PIR: variants seen among roughly 807,000 people sequenced by gnomAD.
The protein encoded by PIR is pirin (iron-binding nuclear protein).
Under a neutral mutation model 24.2 loss-of-function variants are expected in PIR, and 22 were observed. That is an observed-to-expected ratio of 0.91 (90% confidence interval 0.65 to 1.30). The LOEUF (loss-of-function observed/expected upper bound fraction) is 1.30, where lower values mean the gene tolerates loss of function less well. Among genes scored for constraint, PIR ranks in the 50% most tolerant of loss-of-function variants. The probability of loss-of-function intolerance (pLI) is 0.00; values close to 1 mark genes in which losing one functional copy is unlikely to be tolerated. For synonymous variants in PIR, 80 were observed against 79.6 expected (o/e 1.00, Z -0.03); for missense variants, 220 against 220.3 (o/e 1.00, Z 0.01).
chrX:15,458,930 T>G (rs981022589), intron 4 of PIR, among the ~76,000 whole-genome samples: 3 of 112,754 alleles, frequency 2.7e-5, no homozygotes, highest in African/African-American at 9.7e-5. Context: ...TTGCCATGAC[T>G]TTTTTCTTTT....
At chrX:15,443,134 T>C (rs2147048753) in intron 5 of PIR, among the ~76,000 whole-genome samples, 1 of 112,082 alleles carries the variant, frequency 8.9e-6, no homozygotes, top group Admixed American at 9.4e-5. Context: ...TTGAAGCCAG[T>C]GTTCATTTAC....
chrX:15,432,525 G>A (rs190179807), intron 5 of PIR, among the ~76,000 whole-genome samples: 2,157 of 111,716 alleles, frequency 0.019, 109 homozygotes, highest in East Asian at 0.18. Context: ...CATGTGTGAA[G>A]GCCATGAAGC....
At chrX:15,398,403 T>C (rs998160143) in intron 7 of PIR, among the ~76,000 whole-genome samples, 1 of 111,156 alleles carries the variant, frequency 9.0e-6, no homozygotes, top group African/African-American at 3.3e-5. Context: ...ACAGGGGTGA[T>C]GGGGGCTTGT....
At chrX:15,410,872 T>C (rs1569196511) in intron 6 of PIR, among the ~76,000 whole-genome samples, 2 of 112,530 alleles carry the variant, frequency 1.8e-5, no homozygotes, top group Non-Finnish European at 3.7e-5. Context: ...CTTGCTTCTG[T>C]TAATTTGTTT....
chrX:15,468,827 C>A (rs1254517369), intron 3 of PIR, among the ~76,000 whole-genome samples: 1 of 112,573 alleles, frequency 8.9e-6, no homozygotes, highest in Admixed American at 9.4e-5. Flanking sequence ...GTTTACATAA[C>A]AATTGTAAAG....
chrX:15,430,159 T>C (rs1363569391), intron 5 of PIR, among the ~76,000 whole-genome samples: 1 of 111,971 alleles, frequency 8.9e-6, no homozygotes, highest in African/African-American at 3.2e-5. Context: ...AACATTCCCC[T>C]ATAAATCCGT....
chrX:15,458,942 C>T (rs1177936662), intron 4 of PIR, among the ~76,000 whole-genome samples: 1 of 112,425 alleles, frequency 8.9e-6, no homozygotes, highest in Non-Finnish European at 1.9e-5. Context: ...TTTTCTTTTG[C>T]TTTTTTGTCT....
chrX:15,475,893 A>C (rs1417741777), intron 3 of PIR, among the ~76,000 whole-genome samples: 1 of 112,433 alleles, frequency 8.9e-6, no homozygotes, highest in African/African-American at 3.2e-5. Context: ...TCTTCCCTAG[A>C]GTACGCCTTC....
At chrX:15,488,608 A>C (rs1010516269) in intron 2 of PIR, among the ~76,000 whole-genome samples, 1 of 112,226 alleles carries the variant, frequency 8.9e-6, no homozygotes, top group Non-Finnish European at 1.9e-5. Flanking sequence ...TGTTTGTTCT[A>C]TATAATCCCA....
intron 3 of PIR, among the ~76,000 whole-genome samples, chrX:15,479,270 G>A (rs1922369657): frequency 9.1e-6 from 1 of 110,151 alleles, no homozygotes; most frequent in African/African-American, 3.3e-5. Context: ...GTTTTTTGGA[G>A]TTTATAATAT....
At chrX:15,447,093 C>A (rs1926129196) in intron 5 of PIR, among the ~76,000 whole-genome samples, 1 of 112,075 alleles carries the variant, frequency 8.9e-6, no homozygotes, top group Admixed American at 9.4e-5. Flanking sequence ...ATATAATTTA[C>A]ATACTATAAA....
chrX:15,447,569 C>T (rs1016880513), intron 5 of PIR, among the ~76,000 whole-genome samples: 4 of 111,912 alleles, frequency 3.6e-5, no homozygotes, highest in African/African-American at 9.7e-5. Flanking sequence ...CCGGCCGCCT[C>T]GGCCTCCCAA....
chrX:15,394,104 T>A (rs1368461810), intron 8 of PIR, among the ~76,000 whole-genome samples: 1 of 110,589 alleles, frequency 9.0e-6, no homozygotes, highest in Non-Finnish European at 1.9e-5. Context: ...TTTGCATCAA[T>A]AACATTGATT....
chrX:15,393,996 A>T (rs901805746), intron 8 of PIR, among the ~76,000 whole-genome samples: 6 of 110,726 alleles, frequency 5.4e-5, no homozygotes, highest in African/African-American at 2.0e-4. Flanking sequence ...AGCATCCCCA[A>T]ACCATTCCCA....
At chrX:15,488,021 G>A (rs1221935264) in intron 2 of PIR, among the ~76,000 whole-genome samples, 6 of 111,398 alleles carry the variant, frequency 5.4e-5, no homozygotes, top group Non-Finnish European at 1.1e-4. Context: ...GGCTCAGCCT[G>A]TAATCCCAGC....
At chrX:15,424,241 A>G (rs1407902781) in intron 6 of PIR, among the ~76,000 whole-genome samples, 2 of 112,433 alleles carry the variant, frequency 1.8e-5, no homozygotes, top group South Asian at 3.7e-4. Context: ...CCATAAAAAG[A>G]ATGAAATCCT....
At chrX:15,455,712 A>G in intron 5 of PIR, 136 bp downstream of exon 5, 1 of 521,639 alleles carries the variant, frequency 1.9e-6, no homozygotes. Context: ...GGTTGCACTT[A>G]TTCTGACAAC....
rs184950008 is a variant in PIR at position 15,428,382 on chromosome X, T to C, written c.481-2392A>G. ...AAGATTAAGGGTAAACTTCATATAA[T>C]ATCGAATGACTCCTCTGTTCAGGCA... On this transcript the variant is annotated intron_variant, in intron 5 of 9. Coordinates refer to ENST00000380420, the MANE Select transcript of PIR (RefSeq NM_001018109.3). Among the ~76,000 whole-genome samples, 7 of 111,982 alleles carry C rather than the reference T, an allele frequency of 6.3e-5. No homozygotes were observed. The Admixed American group carries it at 6.6e-4, about 11-fold the overall frequency.
intron 3 of PIR, among the ~76,000 whole-genome samples, chrX:15,470,600 C>CTTT (rs1185040119): frequency 2.0e-4 from 9 of 45,099 alleles, no homozygotes; most frequent in East Asian, 7.9e-4. Context: ...TTCTTTCTTT[C>CTTT]TTTTTTTTTT....
Sources: gnomAD v4.1 joint callset for allele counts (sites outside exome capture counted in the v4.1 genomes callset) on GRCh38, gnomAD v4.1.1 for gene constraint, MANE v1.5 for transcripts, NCBI Gene and HGNC (gene_info 2026-07-23, HGNC 2026-07-21) for gene names.